The following OPRM1 variants were observed in gnomAD, a reference collection of about 807,000 sequenced individuals.
OPRM1 encodes mu-type opioid receptor.
In OPRM1, 27 loss-of-function variants were observed where a neutral mutation model predicts 31.8. The ratio of observed to expected loss-of-function variants is 0.85; its 90% CI spans 0.63 to 1.17. The LOEUF is 1.17. OPRM1 is among the 50% of genes most tolerant of loss of function. OPRM1 has a pLI of 0.00. For missense variants in OPRM1, 536 were observed against 511.1 expected (o/e 1.05, Z -0.47); for synonymous variants, 196 against 189.9 (o/e 1.03, Z -0.26).
chr6:154,028,528 G>A (rs1778831406), intron 1 of OPRM1, among the ~76,000 whole-genome samples: 1 of 152,182 alleles, frequency 6.6e-6, no homozygotes, highest in African/African-American at 2.4e-5. Flanking sequence ...ACTAGGACTT[G>A]CCTAAAAGTT....
At chr6:154,032,937 A>G (rs1779094074) in intron 1 of OPRM1, among the ~76,000 whole-genome samples, 1 of 152,250 alleles carries the variant, frequency 6.6e-6, no homozygotes, top group South Asian at 2.1e-4. Flanking sequence ...ACTTATCTAT[A>G]TTAGAATCTG....
chr6:154,073,161 A>T (rs1475308276), intron 1 of OPRM1, among the ~76,000 whole-genome samples: 1 of 152,198 alleles, frequency 6.6e-6, no homozygotes, highest in East Asian at 1.9e-4. Context: ...AGATGCTGAA[A>T]GAATACCTGA....
chr6:154,117,201 T>A (rs1318474219), intron 3 of OPRM1, among the ~76,000 whole-genome samples: 2 of 152,234 alleles, frequency 1.3e-5, no homozygotes, highest in Non-Finnish European at 2.9e-5. Flanking sequence ...CAAATGTCCC[T>A]GAATCCAGCT....
At chr6:154,093,255 CTCTT>C in intron 3 of OPRM1, 1 of 1,603,468 alleles carries the variant, frequency 6.2e-7, no homozygotes, top group Non-Finnish European at 8.5e-7. Context: ...AAAGTACTGA[CTCTT>C]TCTCCTTTAG....
chr6:154,140,412 C>A (rs12664566), intron 3 of OPRM1, among the ~76,000 whole-genome samples: 27,027 of 151,694 alleles, frequency 0.18, 2,885 homozygotes, highest in Non-Finnish European at 0.24. Flanking sequence ...ATCACTGCAA[C>A]CTCCATCTCC....
chr6:154,018,690 G>A (rs564805401), intron 1 of OPRM1, among the ~76,000 whole-genome samples: 128 of 152,168 alleles, frequency 8.4e-4, no homozygotes, highest in Non-Finnish European at 1.3e-3. Context: ...CGGGAATGAA[G>A]ACTCAACCCC....
Position 154,128,498 on chromosome 6 carries a change from C to G in OPRM1, c.*9777C>G, listed in dbSNP as rs1797712580. On this transcript the variant is annotated 3_prime_UTR_variant, in exon 4 of 4. Transcript: ENST00000330432. ...GGACAGTCCGTTGAGGATCCTTGTG[C>G]CAGGATGTATGTTGCCCCATGAATG... Among the ~76,000 whole-genome samples the G allele has an allele frequency of 6.6e-6, 1 of 152,154 alleles. No individual in the cohort carries two copies. Among genetic ancestry groups the G allele is most frequent in the Non-Finnish European group, 1.5e-5 (1 of 68,028 alleles).
Position 154,090,312 on chromosome 6 carries a change from A to G in OPRM1, c.643+134A>G, listed in dbSNP as rs532248709. The stretch of plus-strand genomic sequence containing the variant: ...TAATTTTAATTATTCTTCCTAGCAA[A>G]AAAAGCCTTTGAATACTTAAAAATA... On this transcript the variant is annotated intron_variant, in intron 2 of 3. Coordinates refer to ENST00000330432, the MANE Select transcript of OPRM1 (RefSeq NM_000914.5). 35 of 649,396 alleles carry G rather than the reference A, an allele frequency of 5.4e-5. No homozygotes were observed. The Middle Eastern group carries it at 1.6e-3, about 29-fold the overall frequency. 40.2% of individuals were successfully genotyped at this position (649,396 alleles called of 1,614,324 possible).
chr6:154,188,684 T>C (rs1801597183), intron 3 of OPRM1, among the ~76,000 whole-genome samples: 1 of 152,158 alleles, frequency 6.6e-6, no homozygotes, highest in South Asian at 2.1e-4. Flanking sequence ...AGTGGCCCAC[T>C]GGGTAGATGA....
At chr6:154,118,298 A>T (rs1797084267) in intron 3 of OPRM1, among the ~76,000 whole-genome samples, 1 of 152,208 alleles carries the variant, frequency 6.6e-6, no homozygotes, top group African/African-American at 2.4e-5. Flanking sequence ...TGAAAAAAAC[A>T]TCGTTTTTCT....
At chr6:154,020,243 T>C (rs1486805343) in intron 1 of OPRM1, among the ~76,000 whole-genome samples, 1 of 152,198 alleles carries the variant, frequency 6.6e-6, no homozygotes, top group Non-Finnish European at 1.5e-5. Context: ...TGGGATTGCA[T>C]GGTAAAAATA....
intron 3 of OPRM1, 83 bp downstream of exon 3, chr6:154,091,555 C>T: frequency 6.7e-7 from 1 of 1,488,644 alleles, no homozygotes; most frequent in Non-Finnish European, 8.9e-7. Context: ...GAGTTTAATC[C>T]ATTATAGAGG....
chr6:154,013,090 A>T (rs1365749828), intron 1 of OPRM1, among the ~76,000 whole-genome samples: 1 of 152,142 alleles, frequency 6.6e-6, no homozygotes, highest in Non-Finnish European at 1.5e-5. Flanking sequence ...TTATTGCATC[A>T]TATCCTTGAT....
intron 3 of OPRM1, among the ~76,000 whole-genome samples, chr6:154,167,675 T>C (rs1420134196): frequency 6.6e-6 from 1 of 152,176 alleles, no homozygotes; most frequent in East Asian, 1.9e-4. Flanking sequence ...AAATTTGAAA[T>C]TTTATATCAG....
In OPRM1 at chr6:154,039,697, C is replaced by T; in HGVS notation, c.153C>T (p.Asp51=). 1.2e-6 allele frequency: 2 copies of T among 1,613,842 alleles called. No individual in the cohort carries two copies. Among genetic ancestry groups the T allele is most frequent in the Non-Finnish European group, 1.7e-6 (2 of 1,180,036 alleles). ...LSDPCGPNRT[D]LGGRDSLCPP... is the part of the protein sequence containing the mutation. ...ACCCATGCGGTCCGAACCGCACCGA[C>T]CTGGGCGGGAGAGACAGCCTGTGCC... Residue 51 remains aspartate, a synonymous_variant, in exon 1 of 4, where the codon GAC becomes GAT. Coordinates refer to ENST00000330432, the MANE Select transcript of OPRM1 (RefSeq NM_000914.5).
At chr6:154,012,426 T>G (rs967636102) in intron 1 of OPRM1, among the ~76,000 whole-genome samples, 1 of 152,062 alleles carries the variant, frequency 6.6e-6, no homozygotes, top group Non-Finnish European at 1.5e-5. Context: ...ATATACAAAT[T>G]TTTGTAGTTC....
chr6:154,053,349 G>A (rs536397678), intron 1 of OPRM1, among the ~76,000 whole-genome samples: 1 of 152,320 alleles, frequency 6.6e-6, no homozygotes, highest in Non-Finnish European at 1.5e-5. Flanking sequence ...TGCACCCACT[G>A]CATGTGACCA....
intron 3 of OPRM1, chr6:154,154,632 T>C (rs1798639249): frequency 6.6e-6 from 1 of 152,252 alleles, no homozygotes; most frequent in Non-Finnish European, 1.5e-5. Context: ...GCCACATGTT[T>C]ATTTCTTTGA....
At chr6:154,142,615 T>C (rs1161787005) in intron 3 of OPRM1, among the ~76,000 whole-genome samples, 1 of 152,146 alleles carries the variant, frequency 6.6e-6, no homozygotes, top group Non-Finnish European at 1.5e-5. Flanking sequence ...AACGGGGCAC[T>C]TGTCCTTCAA....
Sources: allele counts gnomAD v4.1 joint callset (sites outside exome capture counted in the v4.1 genomes callset), GRCh38; gene constraint gnomAD v4.1.1; transcripts MANE v1.5; gene names NCBI Gene and HGNC (gene_info 2026-07-23, HGNC 2026-07-21).